Variants in FBXW11 observed in about 807,000 individuals in gnomAD.
FBXW11 encodes the protein F-box and WD repeat domain containing 11, also known as F-box/WD repeat-containing protein 11.
Under a neutral mutation model 77.6 loss-of-function variants are expected in FBXW11, and 19 were observed. The ratio of observed to expected loss-of-function variants is 0.24; its 90% confidence interval spans 0.17 to 0.36. The LOEUF (loss-of-function observed/expected upper bound fraction) is 0.36. FBXW11 is among the 10% of genes least tolerant of loss of function. The pLI, the probability that FBXW11 is intolerant of heterozygous loss-of-function variation, is 1.00. For missense variants in FBXW11, 334 were observed against 704.2 expected, an observed-to-expected ratio of 0.47 and a Z score of 5.95; for synonymous variants, 235 against 249.4, an observed-to-expected ratio of 0.94 and a Z score of 0.54.
chr5:171,893,420 C>CAAAAAAAAA (rs1561656713), intron 6 of FBXW11, among the ~76,000 whole-genome samples: 5 of 4,532 alleles, frequency 1.1e-3, no homozygotes, highest in Non-Finnish European at 4.9e-3. Context: ...CACTTCAAAA[C>CAAAAAAAAA]CAAAAAAAAA....
At chr5:171,917,552 G>T (rs1581199064) in intron 2 of FBXW11, among the ~76,000 whole-genome samples, 1 of 152,208 alleles carries the variant, frequency 6.6e-6, no homozygotes, top group African/African-American at 2.4e-5. Flanking sequence ...CATGGGGGCT[G>T]CAATAGTTCT....
intron 1 of FBXW11, among the ~76,000 whole-genome samples, chr5:171,981,418 G>T (rs1315420986): frequency 6.6e-6 from 1 of 152,176 alleles, no homozygotes; most frequent in African/African-American, 2.4e-5. Context: ...AGGTGATCAT[G>T]AGACCCCTCA....
chr5:171,914,470 A>T (rs999562787), intron 2 of FBXW11, 65 bp from the exon 3 acceptor site: 1 of 1,409,346 alleles, frequency 7.1e-7, no homozygotes. Flanking sequence ...TAACTACAAT[A>T]AATAATTTTG....
chr5:171,975,343 C>A (rs1316491526), intron 1 of FBXW11, among the ~76,000 whole-genome samples: 1 of 152,146 alleles, frequency 6.6e-6, no homozygotes, highest in Non-Finnish European at 1.5e-5. Flanking sequence ...GTCAAGGCTT[C>A]CCCCTTTTCT....
intron 6 of FBXW11, among the ~76,000 whole-genome samples, chr5:171,892,682 A>C (rs1327431692): frequency 1.3e-5 from 2 of 152,204 alleles, no homozygotes; most frequent in African/African-American, 4.8e-5. Context: ...GCACCAGAAG[A>C]CCTAACCTCT....
chr5:171,906,359 C>T (rs1387321209), intron 4 of FBXW11, among the ~76,000 whole-genome samples: 1 of 152,174 alleles, frequency 6.6e-6, no homozygotes, highest in African/African-American at 2.4e-5. Context: ...AAACACCAAC[C>T]TAAGGTTTCA....
intron 2 of FBXW11, among the ~76,000 whole-genome samples, chr5:171,951,016 G>A (rs997309629): frequency 5.3e-5 from 8 of 151,926 alleles, no homozygotes; most frequent in Non-Finnish European, 7.4e-5. Context: ...GTTAACATTC[G>A]TTTCTTAGGG....
intron 1 of FBXW11, among the ~76,000 whole-genome samples, chr5:171,978,549 A>G (rs1451309272): frequency 6.6e-6 from 1 of 152,240 alleles, no homozygotes; most frequent in Non-Finnish European, 1.5e-5. Flanking sequence ...CTGTCAGTGA[A>G]GCCAACAGCA....
intron 1 of FBXW11, among the ~76,000 whole-genome samples, chr5:171,991,987 C>T (rs1291036617): frequency 1.3e-5 from 2 of 151,866 alleles, no homozygotes; most frequent in South Asian, 2.1e-4. Context: ...TGGTGGTGCA[C>T]GCCTGTAGTC....
In FBXW11 at chr5:171,937,377, T is replaced by C. The variant is rs78931001; in HGVS notation, c.147+20220A>G. On this transcript the variant is annotated intron_variant, in intron 2 of 13. Coordinates refer to ENST00000517395, the MANE Select transcript of FBXW11 (RefSeq NM_001378974.1). ...AATACACAAATACTCCAGAGTAGGG[T>C]TGGCAAGCTTTTTCTGTAAAGGGTC... Among the ~76,000 whole-genome samples, 311 of 152,244 alleles carry C rather than the reference T, an allele frequency of 2.0e-3. 14 individuals are homozygous for C. In the East Asian group the frequency reaches 0.054, roughly 26 times the overall value.
At chr5:171,937,142 A>G (rs1020028159) in intron 2 of FBXW11, among the ~76,000 whole-genome samples, 3 of 152,250 alleles carry the variant, frequency 2.0e-5, no homozygotes, top group African/African-American at 7.2e-5. Context: ...TCCCTAATTT[A>G]TAAGTTTAAC....
chr5:172,004,864 C>T (rs1766633438), intron 1 of FBXW11, among the ~76,000 whole-genome samples: 1 of 112,624 alleles, frequency 8.9e-6, no homozygotes, highest in South Asian at 2.9e-4. Context: ...AACAACCCCA[C>T]GTGCACACAC....
intron 6 of FBXW11, among the ~76,000 whole-genome samples, chr5:171,897,791 A>G (rs1170172425): frequency 2.0e-5 from 3 of 152,012 alleles, no homozygotes; most frequent in African/African-American, 7.2e-5. Flanking sequence ...AATGTAGTTT[A>G]TAAGATGTGT....
chr5:171,979,220 C>A (rs768325675), intron 1 of FBXW11, among the ~76,000 whole-genome samples: 1 of 152,172 alleles, frequency 6.6e-6, no homozygotes, highest in Non-Finnish European at 1.5e-5. Flanking sequence ...ACTCAGTCAA[C>A]TGAGGTGGAT....
Position 171,862,082 on chromosome 5 carries a change from C to T in FBXW11, c.*2045G>A, listed in dbSNP as rs1757123837. ...AACTTCTATATTAAACATGCAAAAACAACAAAAAATCCATTCATTCATTCA... is the reference window on the plus strand; with the variant it reads ...AACTTCTATATTAAACATGCAAAAATAACAAAAAATCCATTCATTCATTCA... On this transcript the variant is annotated 3_prime_UTR_variant, in exon 14 of 14. Coordinates refer to ENST00000517395, the MANE Select transcript of FBXW11 (RefSeq NM_001378974.1). The T allele has an allele frequency of 6.5e-6, 1 of 152,708 alleles. No homozygotes were observed. Among genetic ancestry groups the T allele is most frequent in the South Asian group, 2.1e-4 (1 of 4,824 alleles). The allele number at this position is 152,708 out of a possible 1,614,324, so 9.5% of individuals were successfully genotyped here.
chr5:171,920,811 G>A (rs1348207421), intron 2 of FBXW11, among the ~76,000 whole-genome samples: 2 of 152,096 alleles, frequency 1.3e-5, no homozygotes, highest in Non-Finnish European at 2.9e-5. Context: ...TTTTATCTGT[G>A]CATTTTCATG....
At chr5:171,998,071 T>C (rs1766168983) in intron 1 of FBXW11, among the ~76,000 whole-genome samples, 1 of 152,124 alleles carries the variant, frequency 6.6e-6, no homozygotes, top group Non-Finnish European at 1.5e-5. Flanking sequence ...GCCCTTTTCA[T>C]GGAGCACTAT....
At chr5:171,901,301 C>T (rs1242570083) in intron 4 of FBXW11, among the ~76,000 whole-genome samples, 2 of 152,180 alleles carry the variant, frequency 1.3e-5, no homozygotes, top group African/African-American at 4.8e-5. Context: ...TAGCACTAAA[C>T]TTGGTTGTTG....
chr5:171,888,158 T>A (rs751610605), intron 7 of FBXW11, among the ~76,000 whole-genome samples: 4 of 152,084 alleles, frequency 2.6e-5, no homozygotes, highest in Non-Finnish European at 5.9e-5. Flanking sequence ...GACGACACAC[T>A]GCAGAACAAT....
Sources: allele counts gnomAD v4.1 joint callset (sites outside exome capture counted in the v4.1 genomes callset), GRCh38; gene constraint gnomAD v4.1.1; transcripts MANE v1.5; gene names NCBI Gene and HGNC (gene_info 2026-07-23, HGNC 2026-07-21).